TMEM222: variants seen among roughly 807,000 people sequenced by gnomAD.
The protein encoded by TMEM222 is chromosome 1 open reading frame 160.
In TMEM222, 18 loss-of-function variants were observed where a neutral mutation model predicts 25.1. The ratio of observed to expected loss-of-function variants is 0.72; its 90% CI spans 0.50 to 1.06. The LOEUF (loss-of-function observed/expected upper bound fraction) is 1.06. TMEM222 is among the 50% of genes least tolerant of loss of function. The pLI is 0.00. For synonymous variants in TMEM222, 131 were observed against 117.9 expected (o/e 1.11, Z -0.72); for missense variants, 296 against 293.7 (o/e 1.01, Z -0.06).
In TMEM222 at chr1:27,335,886, CTT is replaced by C. The variant is rs2014595502; in HGVS notation, c.*421_*422del. ...CCCAGCATGGGGTGCACCGGGTACA[CTT>C]AACGTGTCTCTATAAGCCAAGTTGC... On this transcript the variant is annotated 3_prime_UTR_variant, in exon 6 of 6. Transcript: ENST00000374076. 2 of 207,770 alleles carry C rather than the reference CTT, an allele frequency of 9.6e-6. No homozygotes were observed. The highest frequency in any genetic ancestry group is 4.3e-3 in the Middle Eastern group (2 of 468). The allele number at this position is 207,770 out of a possible 1,614,324, so 12.9% of individuals were successfully genotyped here. A position where few individuals can be genotyped will look rare whatever the true frequency, so the allele number is the denominator to read the frequency against.
intron 1 of TMEM222, chr1:27,325,602 A>G: frequency 1.1e-6 from 1 of 936,110 alleles, no homozygotes; most frequent in Non-Finnish European, 1.8e-6. Flanking sequence ...CATCACCGAC[A>G]GGATGCAGAA....
intron 5 of TMEM222, 186 bp from the exon 6 acceptor site, chr1:27,335,193 T>G: frequency 1.6e-6 from 1 of 614,670 alleles, no homozygotes; most frequent in Non-Finnish European, 2.9e-6. Context: ...CCATAGCTGG[T>G]GATCCCCCAT....
Position 27,324,219 on chromosome 1 carries a change from G to A in TMEM222, c.194+1828G>A, listed in dbSNP as rs955466369. 2.0e-5 allele frequency among the ~76,000 whole-genome samples: 3 copies of A among 152,192 alleles called. No individual in the cohort carries two copies. The South Asian group carries it at 6.2e-4, about 31-fold the overall frequency. On this transcript the variant is annotated intron_variant, in intron 1 of 5. Coordinates refer to ENST00000374076, the MANE Select transcript of TMEM222 (RefSeq NM_032125.3). Reference sequence around the variant, plus strand: ...CATGCCTGTAATCCCAGCTACTCAGGAGGCCGAGGCAGGAGAATCACTTGA... The same window carrying A: ...CATGCCTGTAATCCCAGCTACTCAGAAGGCCGAGGCAGGAGAATCACTTGA...
intron 1 of TMEM222, 122 bp downstream of exon 1, chr1:27,322,513 T>C: frequency 1.0e-6 from 1 of 961,230 alleles, no homozygotes; most frequent in Non-Finnish European, 1.4e-6. Context: ...CCCGCACGCC[T>C]CGCCCAGTCA....
rs2014322896 is a variant in TMEM222 at position 27,325,575 on chromosome 1, A to T, written c.194+3184A>T. 5.6e-6 allele frequency: 6 copies of T among 1,067,816 alleles called. No homozygotes were observed. In the Admixed American group the frequency reaches 1.0e-4, roughly 18 times the overall value. The allele number at this position is 1,067,816 out of a possible 1,614,324, so 66.1% of individuals were successfully genotyped here. ...CACCAACATAGGGCTATCCAGAGGC[A>T]CCACCATGTACCCGGGCATCACCGA... On this transcript the variant is annotated intron_variant, in intron 1 of 5. Transcript: ENST00000374076.
intron 5 of TMEM222, chr1:27,334,910 C>A: frequency 2.5e-6 from 2 of 798,462 alleles, no homozygotes; most frequent in African/African-American, 1.8e-5. Context: ...TGAACCCAGA[C>A]CCCTGGCTCC....
At position 27,335,548 on chromosome 1, in the gene TMEM222, A is replaced by G; in HGVS notation, c.*82A>G. ...TTTGGTTCCAGATTTTTTTCTCCTC[A>G]CCCCAAAAGGCAGGGTTGGGCCTGC... On this transcript the variant is annotated 3_prime_UTR_variant, in exon 6 of 6. Transcript: ENST00000374076. The G allele has an allele frequency of 1.4e-6, 2 of 1,413,478 alleles. No homozygotes were observed. The highest frequency in any genetic ancestry group is 2.0e-6 in the Non-Finnish European group (2 of 1,009,916). 87.6% of individuals were successfully genotyped at this position (1,413,478 alleles called of 1,614,324 possible).
intron 1 of TMEM222, among the ~76,000 whole-genome samples, chr1:27,324,891 A>T (rs57922300): frequency 1.3e-5 from 2 of 152,058 alleles, no homozygotes; most frequent in African/African-American, 4.8e-5. Context: ...CACCAAAGGG[A>T]TGGTGCTGAA....
intron 5 of TMEM222, chr1:27,335,175 G>T (rs1006736044): frequency 1.7e-6 from 1 of 602,660 alleles, no homozygotes; most frequent in Non-Finnish European, 3.0e-6. Flanking sequence ...AGCAGCCCCT[G>T]CCCGGGACCA....
chr1:27,330,993 G>A (rs1030902411), intron 2 of TMEM222, 189 bp downstream of exon 2: 51 of 1,477,454 alleles, frequency 3.5e-5, no homozygotes, highest in South Asian at 2.2e-4. Context: ...AGGACAGGCC[G>A]GGAGGGCAGT....
At chr1:27,335,263 T>G in intron 5 of TMEM222, 116 bp from the exon 6 acceptor site, 2 of 1,002,012 alleles carry the variant, frequency 2.0e-6, no homozygotes, top group Non-Finnish European at 3.1e-6. Flanking sequence ...GAGGGGGTGG[T>G]TGGGTTTTCC....
intron 1 of TMEM222, among the ~76,000 whole-genome samples, chr1:27,326,394 G>GT (rs979965622): frequency 8.6e-5 from 13 of 151,220 alleles, no homozygotes; most frequent in Non-Finnish European, 1.5e-4. Context: ...TTTATGTAAG[G>GT]TTTTTTTTTG....
Position 27,334,002 on chromosome 1 carries a change from A to G in TMEM222, c.356A>G (p.Asn119Ser), listed in dbSNP as rs764235509. ...GCTCAGGTCTATGCTAGCGGGCCCA[A>G]CGCATGGGACACGGCTGTGCACGAC... ...DPAQVYASGP[N>S]AWDTAVHDAS... is the part of the protein sequence containing the mutation. Residue 119 changes from asparagine to serine, a missense_variant, in exon 4 of 6, where the codon AAC (asparagine) becomes AGC (serine). Transcript: ENST00000374076. The G allele has an allele frequency of 6.2e-7, 1 of 1,614,096 alleles. No individual in the cohort carries two copies. Among genetic ancestry groups the G allele is most frequent in the East Asian group, 2.2e-5 (1 of 44,870 alleles).
chr1:27,327,187 C>T (rs936914476), intron 1 of TMEM222, among the ~76,000 whole-genome samples: 8 of 152,020 alleles, frequency 5.3e-5, no homozygotes, highest in Non-Finnish European at 2.9e-5. Flanking sequence ...GAGCAGCTGC[C>T]AAGCGGAAGG....
rs757750599 is a variant in TMEM222, at chr1:27,330,739, G to A, written c.214G>A (p.Gly72Ser). The part of the protein sequence containing the change: ...PVLTWFFPII[G>S]HMGICTSTGV... ...TCACAGGTGGTTTTTCCCCATCATC[G>A]GCCACATGGGCATCTGCACATCCAC... Residue 72 changes from glycine (G) to serine (S), a missense_variant, in exon 2 of 6, where the codon GGC becomes AGC. Transcript: ENST00000374076. 6.8e-6 allele frequency: 11 copies of A among 1,613,914 alleles called. No homozygotes were observed. Among genetic ancestry groups the A allele is most frequent in the Non-Finnish European group, 9.3e-6 (11 of 1,180,016 alleles).
At chr1:27,327,847 T>C (rs1161261572) in intron 1 of TMEM222, among the ~76,000 whole-genome samples, 1 of 152,202 alleles carries the variant, frequency 6.6e-6, no homozygotes, top group Non-Finnish European at 1.5e-5. Flanking sequence ...GCTCAAGCAA[T>C]CCAACTGCCT....
At chr1:27,323,215 C>T (rs1476747811) in intron 1 of TMEM222, among the ~76,000 whole-genome samples, 2 of 152,188 alleles carry the variant, frequency 1.3e-5, no homozygotes, top group East Asian at 3.8e-4. Context: ...GTGTCTTGAT[C>T]AGGTTCGCAC....
At position 27,332,083 on chromosome 1, in the gene TMEM222, C is replaced by T. The variant is rs2014492687; in HGVS notation, c.293C>T (p.Ala98Val). 1 of 1,614,272 alleles carries T rather than the reference C, an allele frequency of 6.2e-7. No individual in the cohort carries two copies. The highest frequency in any genetic ancestry group is 1.3e-5 in the African/African-American group (1 of 75,078). ...GPYFVSEDNM[A>V]FGKPAKYWKL... ...GTCCCTCAACAGGAGGACAACATGG[C>T]CTTTGGAAAGCCTGCCAAGTAAGTG... Residue 98 changes from alanine (A) to valine (V), a missense_variant, in exon 3 of 6, where the codon GCC becomes GTC. Transcript: ENST00000374076.
chr1:27,335,536 T>A lies in TMEM222; in HGVS notation c.*70T>A. The A allele has an allele frequency of 6.6e-7, 1 of 1,509,732 alleles. No homozygotes were observed. Among genetic ancestry groups the A allele is most frequent in the Non-Finnish European group, 9.2e-7 (1 of 1,090,646 alleles). 93.5% of individuals were successfully genotyped at this position (1,509,732 alleles called of 1,614,324 possible). A position where few individuals can be genotyped will look rare whatever the true frequency, so the allele number is the denominator to read the frequency against. On this transcript the variant is annotated 3_prime_UTR_variant, in exon 6 of 6. Coordinates refer to ENST00000374076, the MANE Select transcript of TMEM222 (RefSeq NM_032125.3). ...GCCGCCATCCCTTTTGGTTCCAGAT[T>A]TTTTTCTCCTCACCCCAAAAGGCAG... is the stretch of plus-strand genomic sequence containing the variant.
Sources: gnomAD v4.1 joint callset for allele counts (sites outside exome capture counted in the v4.1 genomes callset) on GRCh38, gnomAD v4.1.1 for gene constraint, MANE v1.5 for transcripts, NCBI Gene and HGNC (gene_info 2026-07-23, HGNC 2026-07-21) for gene names.